The following SLIT1 variants were observed in gnomAD, a reference collection of about 807,000 sequenced individuals.
SLIT1 encodes slit guidance ligand 1, also known as slit homolog 1 protein.
In SLIT1, 66 loss-of-function variants were observed where a neutral mutation model predicts 186.1. That is an observed-to-expected ratio of 0.35 (90% confidence interval 0.29 to 0.44). The LOEUF (loss-of-function observed/expected upper bound fraction) is 0.44, where lower values mean the gene tolerates loss of function less well. SLIT1 is among the 20% of genes least tolerant of loss of function. SLIT1 has a pLI of 1.00. For missense variants in SLIT1, 1,638 were observed against 2,037.4 expected, an observed-to-expected ratio of 0.80 and a Z score of 3.77; for synonymous variants, 761 against 833.8, an observed-to-expected ratio of 0.91 and a Z score of 1.50.
At chr10:97,013,856 G>C (rs1589362954) in intron 29 of SLIT1, 22 bp from the exon 30 acceptor site, 1 of 1,547,666 alleles carries the variant, frequency 6.5e-7, no homozygotes. Context: ...ACGAGCAAGG[G>C]GCAGGAGAGA....
intron 18 of SLIT1, among the ~76,000 whole-genome samples, chr10:97,046,374 C>T (rs1848733674): frequency 6.6e-6 from 1 of 152,206 alleles, no homozygotes; most frequent in Non-Finnish European, 1.5e-5. Context: ...GCAGCCTGAC[C>T]AGAGGGCAAT....
rs766941433 is a variant in SLIT1, at chr10:97,034,572, A to C, written c.2367-30T>G. 9 of 1,589,398 alleles carry C rather than the reference A, an allele frequency of 5.7e-6. No homozygotes were observed. The East Asian group carries it at 2.0e-4, about 36-fold the overall frequency. The stretch of plus-strand genomic sequence containing the variant: ...AAAAGGCAAAGGCATCATGATTTAG[A>C]AAGAACTCACTCAGCCCTGGCTCAC... On this transcript the variant is annotated intron_variant, in intron 22 of 36. Transcript: ENST00000266058.
chr10:97,166,565 G>GAA (rs1286035999), intron 1 of SLIT1, among the ~76,000 whole-genome samples: 40 of 31,652 alleles, frequency 1.3e-3, no homozygotes, highest in Non-Finnish European at 1.9e-3. Flanking sequence ...GAAAGAGAGA[G>GAA]AGAGAGAAAG....
chr10:97,035,443 T>C (rs1312420798), intron 22 of SLIT1, among the ~76,000 whole-genome samples: 1 of 152,160 alleles, frequency 6.6e-6, no homozygotes, highest in Non-Finnish European at 1.5e-5. Context: ...TCCAGCTCCA[T>C]AATGCTGCCT....
intron 4 of SLIT1, among the ~76,000 whole-genome samples, chr10:97,140,409 C>T (rs1012833936): frequency 1.3e-5 from 2 of 152,164 alleles, no homozygotes; most frequent in Admixed American, 6.5e-5. Flanking sequence ...CCCCTCCCAC[C>T]GCCCTCCTTG....
At chr10:97,141,249 C>T (rs931629799) in intron 4 of SLIT1, among the ~76,000 whole-genome samples, 2 of 152,188 alleles carry the variant, frequency 1.3e-5, no homozygotes, top group East Asian at 1.9e-4. Flanking sequence ...AAGCCTGCCT[C>T]GTGCAGAACA....
intron 4 of SLIT1, among the ~76,000 whole-genome samples, chr10:97,104,857 C>G (rs931451): frequency 0.5 from 75,692 of 151,994 alleles, 20,758 homozygotes; most frequent in East Asian, 0.73. Context: ...CCACGGATGG[C>G]CAAGCATGCT....
rs141110554 is a variant in SLIT1 at position 97,013,776 on chromosome 10, G to A, written c.3168C>T (p.His1056=). 9.7e-6 allele frequency: 15 copies of A among 1,551,650 alleles called. No homozygotes were observed. In the East Asian group the frequency reaches 9.8e-5, roughly 10 times the overall value. Residue 1056 remains histidine, a synonymous_variant, in exon 30 of 37, where the codon CAC becomes CAT. Coordinates refer to ENST00000266058, the MANE Select transcript of SLIT1 (RefSeq NM_003061.3). ...CCGGGGTGCCCACACACTGGGCCTC[G>A]TGTTGACATGGGTTCAGATCCGGAG... ...LCSPDLNPCQ[H]EAQCVGTPDG...
At chr10:97,106,273 G>A (rs781166566) in intron 4 of SLIT1, among the ~76,000 whole-genome samples, 1 of 152,196 alleles carries the variant, frequency 6.6e-6, no homozygotes, top group African/African-American at 2.4e-5. Flanking sequence ...GGACTTGGAG[G>A]TAAGGCAAGG....
intron 11 of SLIT1, chr10:97,057,933 G>A (rs752462733): frequency 8.4e-6 from 6 of 714,596 alleles, no homozygotes; most frequent in Non-Finnish European, 1.6e-5. Context: ...TATCATAATC[G>A]GACCCCACAA....
At chr10:97,154,737 T>C (rs1564689580) in intron 4 of SLIT1, 1 of 152,310 alleles carries the variant, frequency 6.6e-6, no homozygotes, top group East Asian at 1.9e-4. Flanking sequence ...CCCAGCCCCA[T>C]AGGGTGCCAA....
rs1848676976 is a variant in SLIT1, at chr10:97,040,072, C to T, written c.2213G>A (p.Cys738Tyr). ...CLPRPQCPQE[C>Y]ACLDTVVRCS... The stretch of plus-strand genomic sequence containing the variant: ...TCGGACCACGGTGTCCAGGCAGGCG[C>T]ACTCCTGTGGGCACTGTGGGCGGGG... Residue 738 changes from cysteine (C) to tyrosine (Y), a missense_variant, in exon 21 of 37, where the codon TGC becomes TAC. Coordinates refer to ENST00000266058, the MANE Select transcript of SLIT1 (RefSeq NM_003061.3). 6.2e-7 allele frequency: 1 copy of T among 1,609,580 alleles called. No individual in the cohort carries two copies. Among genetic ancestry groups the T allele is most frequent in the Non-Finnish European group, 8.5e-7 (1 of 1,177,934 alleles).
At chr10:97,094,516 T>C (rs1445583234) in intron 4 of SLIT1, among the ~76,000 whole-genome samples, 2 of 152,200 alleles carry the variant, frequency 1.3e-5, no homozygotes, top group African/African-American at 4.8e-5. Flanking sequence ...TTATTGATGA[T>C]TATGTGAGGC....
At position 97,066,088 on chromosome 10, in the gene SLIT1, TG is replaced by T. The variant is rs1366343787; in HGVS notation, c.414-3del. Reference sequence around the variant, plus strand: ...TGGATGGCGTTCTCACTCAAGTCCCTGGGAGGATAAAGCCAGAGGGAGAGAA... The same window carrying T: ...TGGATGGCGTTCTCACTCAAGTCCCTGGAGGATAAAGCCAGAGGGAGAGAA... On this transcript the variant is annotated splice_polypyrimidine_tract_variant and splice_region_variant and intron_variant, in intron 4 of 36. Coordinates refer to ENST00000266058, the MANE Select transcript of SLIT1 (RefSeq NM_003061.3). 6.3e-7 allele frequency: 1 copy of T among 1,599,308 alleles called. No homozygotes were observed. Among genetic ancestry groups the T allele is most frequent in the African/African-American group, 1.3e-5 (1 of 74,894 alleles).
intron 7 of SLIT1, 92 bp from the exon 8 acceptor site, chr10:97,063,710 G>C (rs560764770): frequency 1.5e-5 from 20 of 1,377,708 alleles, no homozygotes; most frequent in East Asian, 9.9e-5. Context: ...GGCTGCCCCC[G>C]GTGCTGTGTT....
Position 97,164,908 on chromosome 10 carries a change from G to A in SLIT1, c.198-18C>T, listed in dbSNP as rs41300241. The A allele has an allele frequency of 0.055, 87,618 of 1,602,144 alleles. 2,588 individuals are homozygous for A. The highest frequency in any genetic ancestry group is 0.071 in the Admixed American group (4,240 of 59,970). Reference sequence around the variant, plus strand: ...TGAGTTCCCTGGAGGAAGAAGGAGAGAAGGAAGCAGTGGGGTGAGCAGGGT... The same window carrying A: ...TGAGTTCCCTGGAGGAAGAAGGAGAAAAGGAAGCAGTGGGGTGAGCAGGGT... On this transcript the variant is annotated intron_variant, in intron 1 of 36. Transcript: ENST00000266058.
intron 4 of SLIT1, among the ~76,000 whole-genome samples, chr10:97,111,840 AACACACC>A (rs1333979540): frequency 3.9e-5 from 6 of 152,146 alleles, no homozygotes; most frequent in African/African-American, 1.2e-4. Flanking sequence ...TCTTCAATTT[AACACACC>A]GTGAAAATAA....
In SLIT1 at chr10:96,998,039, C is replaced by CAG. The variant is rs1269444041; in HGVS notation, c.*3071_*3072dup. 2.6e-5 allele frequency: 4 copies of CAG among 152,538 alleles called. No individual in the cohort carries two copies. In the East Asian group the frequency reaches 7.7e-4, roughly 29 times the overall value. 9.4% of individuals were successfully genotyped at this position (152,538 alleles called of 1,614,324 possible). ...GGTGGAGAAAAAGAGACCAACAAGG[C>CAG]AGAGTGACTCAATGTCATGTTCACA... On this transcript the variant is annotated 3_prime_UTR_variant, in exon 37 of 37. Coordinates refer to ENST00000266058, the MANE Select transcript of SLIT1 (RefSeq NM_003061.3).
At chr10:97,131,108 A>T (rs1290012591) in intron 4 of SLIT1, among the ~76,000 whole-genome samples, 1 of 152,138 alleles carries the variant, frequency 6.6e-6, no homozygotes, top group Non-Finnish European at 1.5e-5. Context: ...GAGCAAGGGC[A>T]TTGTGGACAG....
Sources: allele counts gnomAD v4.1 joint callset (sites outside exome capture counted in the v4.1 genomes callset), GRCh38; gene constraint gnomAD v4.1.1; transcripts MANE v1.5; gene names NCBI Gene and HGNC (gene_info 2026-07-23, HGNC 2026-07-21).